Variants in DLEC1 observed in about 807,000 individuals in gnomAD.
DLEC1 encodes the protein deleted in lung and esophageal cancer protein 1.
A neutral mutation model predicts 198.1 loss-of-function variants in DLEC1; 146 were observed. The observed-to-expected ratio is 0.74, with a 90% CI of 0.64 to 0.85. DLEC1 has a LOEUF of 0.85. Among genes scored for constraint, DLEC1 ranks in the 40% least tolerant of loss-of-function variants. The probability of loss-of-function intolerance (pLI) is 0.00; values close to 1 mark genes in which losing one functional copy is unlikely to be tolerated. For missense variants in DLEC1, 2,233 were observed against 2,220.0 expected (o/e 1.01, Z -0.12); for synonymous variants, 897 against 866.8 (o/e 1.03, Z -0.61).
intron 8 of DLEC1, 99 bp from the exon 9 acceptor site, chr3:38,086,142 C>T (rs562927172): frequency 1.4e-6 from 2 of 1,480,292 alleles, no homozygotes; most frequent in African/African-American, 2.8e-5. Context: ...CTGGGACCAG[C>T]TGTCCTGATC....
intron 6 of DLEC1, among the ~76,000 whole-genome samples, chr3:38,064,219 G>C (rs1051709701): frequency 6.6e-6 from 1 of 151,712 alleles, no homozygotes; most frequent in Non-Finnish European, 1.5e-5. Flanking sequence ...GACTCTTAAC[G>C]AGCATGCTGC....
At chr3:38,059,371 G>A (rs1276342694) in intron 2 of DLEC1, among the ~76,000 whole-genome samples, 1 of 152,242 alleles carries the variant, frequency 6.6e-6, no homozygotes, top group Non-Finnish European at 1.5e-5. Context: ...ACAGTCAGGA[G>A]TGAAGAAGTG....
intron 34 of DLEC1, among the ~76,000 whole-genome samples, chr3:38,121,053 A>T (rs943673916): frequency 1.3e-5 from 2 of 152,150 alleles, no homozygotes; most frequent in Non-Finnish European, 2.9e-5. Context: ...TGTGGAGGCT[A>T]AGCAGGGGCT....
At chr3:38,063,783 T>C (rs538593183) in intron 5 of DLEC1, 58 bp from the exon 6 acceptor site, 30 of 1,250,680 alleles carry the variant, frequency 2.4e-5, no homozygotes, top group Non-Finnish European at 3.5e-5. Flanking sequence ...CACTGCCTAC[T>C]ATTTCATTGT....
At chr3:38,099,579 G>A (rs1699200768) in intron 18 of DLEC1, among the ~76,000 whole-genome samples, 1 of 152,158 alleles carries the variant, frequency 6.6e-6, no homozygotes, top group African/African-American at 2.4e-5. Context: ...AGAGCTCCAA[G>A]GGAGATGCAC....
rs528369789 is a variant in DLEC1 at position 38,093,597 on chromosome 3, T to C, written c.1757-8T>C. 2 of 1,614,150 alleles carry C rather than the reference T, an allele frequency of 1.2e-6. No individual in the cohort carries two copies. Among genetic ancestry groups the C allele is most frequent in the African/African-American group, 2.7e-5 (2 of 75,040 alleles). On this transcript the variant is annotated splice_polypyrimidine_tract_variant and splice_region_variant and intron_variant, in intron 11 of 36. Coordinates refer to ENST00000308059, the MANE Select transcript of DLEC1 (RefSeq NM_007335.4). ...CCTTCACTGACTTCACTTACTCTACTTTGGCAGGAATTGGGCAGCTGATTG... is the reference window on the plus strand; with the variant it reads ...CCTTCACTGACTTCACTTACTCTACCTTGGCAGGAATTGGGCAGCTGATTG...
chr3:38,095,013 A>AGG lies in DLEC1; in HGVS notation c.2058_2059dup (p.Val687GlyfsTer3). ...ACTGCCTTCTCCATCATGCCCAGAAAGGGGGTTCTAAGCCCCCACACAGAC... is the reference window on the plus strand; with the variant it reads ...ACTGCCTTCTCCATCATGCCCAGAAAGGGGGGGTTCTAAGCCCCCACACAGAC... On this transcript the variant is annotated frameshift_variant, in exon 13 of 37. Transcript: ENST00000308059. LOFTEE classifies it high-confidence loss of function. 6.2e-7 allele frequency: 1 copy of AGG among 1,614,224 alleles called. No homozygotes were observed. Among genetic ancestry groups the AGG allele is most frequent in the Non-Finnish European group, 8.5e-7 (1 of 1,180,040 alleles).
At chr3:38,069,403 A>G (rs137918046) in intron 6 of DLEC1, among the ~76,000 whole-genome samples, 134 of 152,296 alleles carry the variant, frequency 8.8e-4, no homozygotes, top group African/African-American at 3.1e-3. Flanking sequence ...TTACCTTGAC[A>G]CCAAATAAAA....
chr3:38,114,560 G>A (rs1700052777), intron 26 of DLEC1, 100 bp downstream of exon 26: 1 of 1,230,594 alleles, frequency 8.1e-7, no homozygotes, highest in African/African-American at 1.5e-5. Context: ...TCTCCAGCTG[G>A]CCTAGGGCCA....
chr3:38,062,403 G>T (rs1696738262), intron 4 of DLEC1, 35 bp downstream of exon 4: 3 of 1,612,836 alleles, frequency 1.9e-6, no homozygotes, highest in Admixed American at 1.7e-5. Flanking sequence ...CAGTGTTTGG[G>T]GGGACAGAGA....
intron 34 of DLEC1, among the ~76,000 whole-genome samples, chr3:38,121,132 G>A (rs1044274641): frequency 4.6e-5 from 7 of 152,196 alleles, no homozygotes; most frequent in Admixed American, 2.0e-4. Context: ...AGGCTGAGCA[G>A]TGGAGCCGAG....
chr3:38,117,668 G>T, intron 32 of DLEC1, 57 bp downstream of exon 32: 1 of 1,611,762 alleles, frequency 6.2e-7, no homozygotes, highest in East Asian at 2.2e-5. Context: ...AGATGTCTCT[G>T]TGTGCCCTTG....
chr3:38,092,692 C>G (rs1395619604), intron 10 of DLEC1, 98 bp from the exon 11 acceptor site: 28 of 1,087,078 alleles, frequency 2.6e-5, no homozygotes, highest in Non-Finnish European at 3.9e-5. Flanking sequence ...GAGTGAAGAG[C>G]AAAGAAAGGG....
At chr3:38,053,332 T>C (rs1701229348) in intron 2 of DLEC1, among the ~76,000 whole-genome samples, 1 of 149,888 alleles carries the variant, frequency 6.7e-6, no homozygotes, top group South Asian at 2.1e-4. Context: ...CGCCATCCCA[T>C]CTAGGAAGTG....
intron 7 of DLEC1, among the ~76,000 whole-genome samples, chr3:38,084,519 G>A (rs1380852306): frequency 6.9e-5 from 4 of 57,962 alleles, no homozygotes; most frequent in Admixed American, 1.6e-4. Context: ...AGTAGTAGTG[G>A]TAGTAGTAGT....
intron 1 of DLEC1, among the ~76,000 whole-genome samples, chr3:38,042,290 G>A (rs1215714367): frequency 6.6e-6 from 1 of 152,012 alleles, no homozygotes; most frequent in Admixed American, 6.6e-5. Context: ...ACTGCGCCTG[G>A]CCCGCCATTT....
chr3:38,120,629 AC>A lies in DLEC1; in HGVS notation c.4866+21del, dbSNP rs777169276. 5.0e-6 allele frequency: 8 copies of A among 1,612,252 alleles called. No homozygotes were observed. Among genetic ancestry groups the A allele is most frequent in the East Asian group, 2.2e-5 (1 of 44,864 alleles). On this transcript the variant is annotated intron_variant, in intron 34 of 36. Transcript: ENST00000308059. Reference sequence around the variant, plus strand: ...ACTCAGGCACGCCCCAGGCCCACCTACATGTGGAGGAGGGTGGAAGTGGGCT... The same window carrying A: ...ACTCAGGCACGCCCCAGGCCCACCTAATGTGGAGGAGGGTGGAAGTGGGCT...
At chr3:38,120,231 T>G (rs1393011279) in intron 33 of DLEC1, among the ~76,000 whole-genome samples, 3 of 152,212 alleles carry the variant, frequency 2.0e-5, no homozygotes, top group Non-Finnish European at 4.4e-5. Flanking sequence ...GCCTCTGACC[T>G]CTGAGGGCAG....
chr3:38,090,786 A>G (rs1426702161), intron 10 of DLEC1, among the ~76,000 whole-genome samples: 1 of 152,230 alleles, frequency 6.6e-6, no homozygotes, highest in Non-Finnish European at 1.5e-5. Context: ...AGTATATTAT[A>G]AAACTTAGAA....
Sources: gnomAD v4.1 joint callset for allele counts (sites outside exome capture counted in the v4.1 genomes callset) on GRCh38, gnomAD v4.1.1 for gene constraint, MANE v1.5 for transcripts, NCBI Gene and HGNC (gene_info 2026-07-23, HGNC 2026-07-21) for gene names.